CSMD1: variants seen among roughly 807,000 people sequenced by gnomAD.
CSMD1 encodes the protein CUB and Sushi multiple domains 1.
Under a neutral mutation model 417.5 loss-of-function variants are expected in CSMD1, and 213 were observed. The ratio of observed to expected loss-of-function variants is 0.51; its 90% CI spans 0.46 to 0.57. CSMD1 has a LOEUF of 0.57. Among genes scored for constraint, CSMD1 ranks in the 20% least tolerant of loss-of-function variants. The probability of loss-of-function intolerance (pLI) is 0.00; values close to 1 mark genes in which losing one functional copy is unlikely to be tolerated. For missense variants in CSMD1, 6,923 were observed against 4,529.7 expected (o/e 1.53, Z -15.17); for synonymous variants, 2,862 against 1,736.8 (o/e 1.65, Z -16.11).
At position 4,752,148 on chromosome 8, in the gene CSMD1, T is replaced by G. The variant is rs140993869; in HGVS notation, c.86-114590A>C. 2.0e-3 allele frequency among the ~76,000 whole-genome samples: 306 copies of G among 152,294 alleles called. 1 individual carries two copies. The highest frequency in any genetic ancestry group is 6.8e-3 in the Middle Eastern group (2 of 294). ...ATATATCATATATATGTATCTCAGTTGCTCTTTAGTTCCTTACCACTTCTC... is the reference window on the plus strand; with the variant it reads ...ATATATCATATATATGTATCTCAGTGGCTCTTTAGTTCCTTACCACTTCTC... On this transcript the variant is annotated intron_variant, in intron 1 of 69. Transcript: ENST00000635120.
At chr8:3,877,545 G>T (rs866999189) in intron 5 of CSMD1, among the ~76,000 whole-genome samples, 1 of 152,100 alleles carries the variant, frequency 6.6e-6, no homozygotes, top group Non-Finnish European at 1.5e-5. Flanking sequence ...CCATATTCAG[G>T]TAAAGGCCAG....
At chr8:4,492,250 C>T (rs1183779272) in intron 2 of CSMD1, among the ~76,000 whole-genome samples, 1 of 152,102 alleles carries the variant, frequency 6.6e-6, no homozygotes, top group African/African-American at 2.4e-5. Context: ...TGAGCATGCT[C>T]AGCTAACGAT....
At chr8:3,669,584 C>T (rs566872560) in intron 7 of CSMD1, among the ~76,000 whole-genome samples, 1 of 152,186 alleles carries the variant, frequency 6.6e-6, no homozygotes, top group African/African-American at 2.4e-5. Context: ...GAATGAGACT[C>T]TTCCGGACAG....
intron 5 of CSMD1, among the ~76,000 whole-genome samples, chr8:3,796,725 A>G (rs949605978): frequency 6.6e-6 from 1 of 150,940 alleles, no homozygotes; most frequent in African/African-American, 2.4e-5. Context: ...ACAATTCTAT[A>G]TGTCACCTTG....
At chr8:3,247,094 G>A (rs549357065) in intron 26 of CSMD1, among the ~76,000 whole-genome samples, 2 of 152,312 alleles carry the variant, frequency 1.3e-5, no homozygotes, top group Admixed American at 6.5e-5. Context: ...CAAATATGGT[G>A]AGAAGCTGCC....
At chr8:4,244,671 A>C (rs1802596888) in intron 3 of CSMD1, among the ~76,000 whole-genome samples, 1 of 152,178 alleles carries the variant, frequency 6.6e-6, no homozygotes, top group Non-Finnish European at 1.5e-5. Context: ...GACAGATTTA[A>C]ATTGTGTTAT....
At chr8:4,535,089 T>C (rs1000460981) in intron 2 of CSMD1, among the ~76,000 whole-genome samples, 7 of 152,190 alleles carry the variant, frequency 4.6e-5, no homozygotes, top group Non-Finnish European at 8.8e-5. Flanking sequence ...TTTTCTCTCT[T>C]ATAGGACTAG....
At chr8:3,365,074 C>A (rs985027027) in intron 20 of CSMD1, among the ~76,000 whole-genome samples, 3 of 152,082 alleles carry the variant, frequency 2.0e-5, no homozygotes, top group African/African-American at 7.2e-5. Flanking sequence ...AAAGTAAGAA[C>A]TGGAGGAAGT....
At chr8:4,019,184 A>T (rs1405464759) in intron 4 of CSMD1, among the ~76,000 whole-genome samples, 4 of 152,206 alleles carry the variant, frequency 2.6e-5, no homozygotes, top group Non-Finnish European at 4.4e-5. Flanking sequence ...CAACAGTCCA[A>T]GACAGGTTTA....
intron 1 of CSMD1, among the ~76,000 whole-genome samples, chr8:4,761,569 G>C (rs1254147573): frequency 6.6e-6 from 1 of 151,950 alleles, no homozygotes; most frequent in Non-Finnish European, 1.5e-5. Context: ...AATTCCTTAT[G>C]TTAACATAGC....
intron 5 of CSMD1, among the ~76,000 whole-genome samples, chr8:3,781,967 G>A (rs563812723): frequency 6.6e-6 from 1 of 152,022 alleles, no homozygotes; most frequent in South Asian, 2.1e-4. Flanking sequence ...AGGAGTATGT[G>A]GTAAGAGAAG....
At chr8:4,959,902 C>A (rs143722802) in intron 1 of CSMD1, among the ~76,000 whole-genome samples, 1 of 152,266 alleles carries the variant, frequency 6.6e-6, no homozygotes, top group African/African-American at 2.4e-5. Flanking sequence ...ATTGCAACAA[C>A]AATCTTCCCT....
intron 1 of CSMD1, among the ~76,000 whole-genome samples, chr8:4,779,907 CTTTTTTT>C (rs1222883064): frequency 2.7e-5 from 4 of 146,544 alleles, no homozygotes; most frequent in Admixed American, 6.8e-5. Context: ...TTTCTTTTTT[CTTTTTTT>C]TTTTCTCCAA....
intron 3 of CSMD1, among the ~76,000 whole-genome samples, chr8:4,068,700 T>A (rs950435267): frequency 6.6e-6 from 1 of 152,112 alleles, no homozygotes; most frequent in Non-Finnish European, 1.5e-5. Flanking sequence ...TTTCAAGATA[T>A]CTAGTGGGGA....
chr8:4,344,689 G>A (rs963269349), intron 3 of CSMD1, among the ~76,000 whole-genome samples: 2 of 152,036 alleles, frequency 1.3e-5, no homozygotes, highest in South Asian at 2.1e-4. Flanking sequence ...TATTAAAAAT[G>A]TTTCCTAAAA....
chr8:3,285,153 G>A (rs1277372265), intron 25 of CSMD1, among the ~76,000 whole-genome samples: 1 of 152,084 alleles, frequency 6.6e-6, no homozygotes, highest in African/African-American at 2.4e-5. Context: ...ATTGCACACC[G>A]ATTACAAGGG....
chr8:3,338,261 C>T (rs1394955847), intron 23 of CSMD1, among the ~76,000 whole-genome samples: 1 of 152,190 alleles, frequency 6.6e-6, no homozygotes, highest in Non-Finnish European at 1.5e-5. Flanking sequence ...CGCCTCTATG[C>T]CCAGGGAGTG....
chr8:4,136,011 C>T (rs990253116), intron 3 of CSMD1, among the ~76,000 whole-genome samples: 3 of 151,866 alleles, frequency 2.0e-5, no homozygotes, highest in Admixed American at 6.6e-5. Flanking sequence ...AATTCAATTT[C>T]AAAAAATATT....
chr8:3,244,885 C>T (rs1459541072), intron 26 of CSMD1, among the ~76,000 whole-genome samples: 1 of 152,112 alleles, frequency 6.6e-6, no homozygotes, highest in Non-Finnish European at 1.5e-5. Context: ...ACCTGACTCT[C>T]AGCCCAGTCC....
Sources: allele counts gnomAD v4.1 joint callset (sites outside exome capture counted in the v4.1 genomes callset), GRCh38; gene constraint gnomAD v4.1.1; transcripts MANE v1.5; gene names NCBI Gene and HGNC (gene_info 2026-07-23, HGNC 2026-07-21).